CAMTA1: variants seen among roughly 807,000 people sequenced by gnomAD.
CAMTA1 encodes calmodulin-binding transcription activator 1.
CAMTA1 carries 27 observed loss-of-function variants against 170.9 expected under a neutral mutation model. That is an observed-to-expected ratio of 0.16 (90% CI 0.12 to 0.22). CAMTA1 has a LOEUF of 0.22. CAMTA1 is among the 10% of genes least tolerant of loss of function. CAMTA1 has a pLI of 1.00. For missense variants in CAMTA1, 1,619 were observed against 2,217.2 expected (o/e 0.73, Z 5.42); for synonymous variants, 833 against 891.5 (o/e 0.93, Z 1.17).
chr1:7,132,853 C>G (rs928427827), intron 4 of CAMTA1, among the ~76,000 whole-genome samples: 20 of 152,014 alleles, frequency 1.3e-4, no homozygotes, highest in African/African-American at 4.8e-4. Flanking sequence ...TTCTTCTGTA[C>G]CTATTGACGT....
intron 4 of CAMTA1, among the ~76,000 whole-genome samples, chr1:7,208,007 A>G (rs754707109): frequency 7.9e-5 from 12 of 152,242 alleles, no homozygotes; most frequent in African/African-American, 1.2e-4. Context: ...CACGTCATCT[A>G]CTTTATAAAA....
chr1:6,819,438 A>G (rs527917042), intron 1 of CAMTA1, among the ~76,000 whole-genome samples: 14 of 152,240 alleles, frequency 9.2e-5, no homozygotes, highest in African/African-American at 2.9e-4. Flanking sequence ...TTGCCATGCC[A>G]TAATACTAGT....
intron 19 of CAMTA1, among the ~76,000 whole-genome samples, chr1:7,750,332 G>A (rs1007378163): frequency 2.6e-5 from 4 of 152,200 alleles, no homozygotes; most frequent in Admixed American, 2.6e-4. Context: ...GCAGATACAG[G>A]GATTTTCTGG....
intron 5 of CAMTA1, among the ~76,000 whole-genome samples, chr1:7,290,985 T>C (rs947258495): frequency 3.3e-5 from 5 of 152,168 alleles, no homozygotes; most frequent in African/African-American, 1.2e-4. Flanking sequence ...AACTGACCCC[T>C]GGTTTCCCCC....
intron 3 of CAMTA1, among the ~76,000 whole-genome samples, chr1:6,948,267 A>G (rs1169191318): frequency 1.3e-5 from 2 of 152,150 alleles, no homozygotes; most frequent in Non-Finnish European, 2.9e-5. Flanking sequence ...TGCCATCTTC[A>G]TATATGGTAG....
intron 3 of CAMTA1, among the ~76,000 whole-genome samples, chr1:7,090,802 A>AT (rs764645124): frequency 5.3e-5 from 8 of 152,088 alleles, no homozygotes; most frequent in Non-Finnish European, 1.0e-4. Context: ...TCTCTGGAAT[A>AT]TGGCTTTATC....
At chr1:7,498,451 A>G (rs1377793076) in intron 6 of CAMTA1, among the ~76,000 whole-genome samples, 2 of 144,958 alleles carry the variant, frequency 1.4e-5, no homozygotes, top group Non-Finnish European at 3.0e-5. Flanking sequence ...GTGTGTGTGA[A>G]TGTGCATGAC....
chr1:7,113,252 G>A lies in CAMTA1; in HGVS notation c.302+21881G>A, dbSNP rs567198152. On this transcript the variant is annotated intron_variant, in intron 4 of 22. Coordinates refer to ENST00000303635, the MANE Select transcript of CAMTA1 (RefSeq NM_015215.4). The surrounding 1 kb of genome is among the most constrained non-coding windows in gnomAD (Gnocchi z 4.5). The stretch of plus-strand genomic sequence containing the variant: ...CCCCAGGACCTAGACAGCACCCTGG[G>A]GCCAGAGGATCGTGGTTGGCCGTGG... Among the ~76,000 whole-genome samples the A allele has an allele frequency of 9.2e-5, 14 of 152,234 alleles. No individual in the cohort carries two copies. Among genetic ancestry groups the A allele is most frequent in the Non-Finnish European group, 1.8e-4 (12 of 68,042 alleles).
intron 6 of CAMTA1, among the ~76,000 whole-genome samples, chr1:7,508,901 C>T (rs1263841610): frequency 6.6e-6 from 1 of 152,210 alleles, no homozygotes; most frequent in East Asian, 1.9e-4. Context: ...CTGCAACTCA[C>T]TCAGCTAATG....
chr1:7,377,648 C>T (rs2086945244), intron 5 of CAMTA1, among the ~76,000 whole-genome samples: 2 of 152,188 alleles, frequency 1.3e-5, no homozygotes, highest in African/African-American at 2.4e-5. Context: ...AAATCCAGTC[C>T]ACCATCTGCT....
At chr1:7,411,411 G>T (rs2796487) in intron 5 of CAMTA1, among the ~76,000 whole-genome samples, 6 of 152,162 alleles carry the variant, frequency 3.9e-5, no homozygotes, top group African/African-American at 9.6e-5. Context: ...TGGTGACACG[G>T]CCCTGTAATC....
chr1:6,921,001 C>G (rs988772417), intron 3 of CAMTA1, among the ~76,000 whole-genome samples: 7 of 152,224 alleles, frequency 4.6e-5, no homozygotes, highest in Non-Finnish European at 8.8e-5. Context: ...ACATTCGGCT[C>G]CTCGTTATTT....
intron 6 of CAMTA1, among the ~76,000 whole-genome samples, chr1:7,524,103 G>A (rs2094401959): frequency 6.6e-6 from 1 of 151,692 alleles, no homozygotes; most frequent in East Asian, 1.9e-4. Flanking sequence ...TTGGGAGGCT[G>A]AGGCAGAAGA....
rs78843885 is a variant in CAMTA1 at position 7,404,133 on chromosome 1, G to A, written c.439-63697G>A. 4.2e-4 allele frequency among the ~76,000 whole-genome samples: 64 copies of A among 152,234 alleles called. No individual in the cohort carries two copies. The East Asian group carries it at 6.0e-3, about 14-fold the overall frequency. On this transcript the variant is annotated intron_variant, in intron 5 of 22. Transcript: ENST00000303635. ...TACAAGGGAGGACACTGCCCCATCCGATGTCACAGTTTTTGACTCAGAGAT... is the reference window on the plus strand; with the variant it reads ...TACAAGGGAGGACACTGCCCCATCCAATGTCACAGTTTTTGACTCAGAGAT...
chr1:7,436,288 A>T (rs1416636464), intron 5 of CAMTA1, among the ~76,000 whole-genome samples: 11 of 152,190 alleles, frequency 7.2e-5, no homozygotes, highest in African/African-American at 2.7e-4. Context: ...TCAGGAGCAG[A>T]TGAAGCCCTG....
chr1:7,054,285 G>A (rs147764391), intron 3 of CAMTA1, among the ~76,000 whole-genome samples: 1 of 152,340 alleles, frequency 6.6e-6, no homozygotes, highest in African/African-American at 2.4e-5. Flanking sequence ...AGGAAGGAAG[G>A]AGAAGAGAGG....
intron 7 of CAMTA1, among the ~76,000 whole-genome samples, chr1:7,645,208 A>G (rs559755229): frequency 9.8e-4 from 149 of 152,306 alleles, no homozygotes; most frequent in Non-Finnish European, 1.6e-3. Context: ...CTGTCCTGCC[A>G]AGCTGGCAGG....
At chr1:6,810,458 G>C (rs1645029364) in intron 1 of CAMTA1, among the ~76,000 whole-genome samples, 1 of 152,180 alleles carries the variant, frequency 6.6e-6, no homozygotes, top group Non-Finnish European at 1.5e-5. Flanking sequence ...TGTTCTGCTG[G>C]TTAGAAGCAA....
chr1:7,066,144 C>T (rs890264782), intron 3 of CAMTA1, among the ~76,000 whole-genome samples: 2 of 152,176 alleles, frequency 1.3e-5, no homozygotes, highest in Non-Finnish European at 2.9e-5. Context: ...CCATCCTCTC[C>T]GAGGGGTCTT....
Sources: allele counts gnomAD v4.1 joint callset (sites outside exome capture counted in the v4.1 genomes callset), GRCh38; gene constraint gnomAD v4.1.1; non-coding constraint Gnocchi (gnomAD v3.1); transcripts MANE v1.5; gene names NCBI Gene and HGNC (gene_info 2026-07-23, HGNC 2026-07-21).